FRMD4B: variants seen among roughly 807,000 people sequenced by gnomAD.
The protein encoded by FRMD4B is FERM domain containing 4B, also known as FERM domain-containing protein 4B.
A neutral mutation model predicts 141.5 loss-of-function variants in FRMD4B; 74 were observed. The ratio of observed to expected loss-of-function variants is 0.52; its 90% CI spans 0.43 to 0.63. The LOEUF is 0.63. FRMD4B is among the 30% of genes least tolerant of loss of function. The probability of loss-of-function intolerance (pLI) is 0.00; values close to 1 mark genes in which losing one functional copy is unlikely to be tolerated. For synonymous variants in FRMD4B, 506 were observed against 467.9 expected, an observed-to-expected ratio of 1.08 and a Z score of -1.05; for missense variants, 1,366 against 1,253.4, an observed-to-expected ratio of 1.09 and a Z score of -1.36.
chr3:69,170,055 A>C lies in FRMD4B; in HGVS notation c.*1806T>G, dbSNP rs1344117486. On this transcript the variant is annotated 3_prime_UTR_variant, in exon 23 of 23. Coordinates refer to ENST00000398540, the MANE Select transcript of FRMD4B (RefSeq NM_015123.3). ...TTATTTTTAATGTACTATTAAGAAA[A>C]AACTGCCAATTCAAGTAGAATATGC... 6.6e-6 allele frequency: 1 copy of C among 152,226 alleles called. No individual in the cohort carries two copies. The highest frequency in any genetic ancestry group is 1.5e-5 in the Non-Finnish European group (1 of 68,042). 9.4% of individuals were successfully genotyped at this position (152,226 alleles called of 1,614,324 possible).
chr3:69,230,618 G>A (rs1296508302), intron 7 of FRMD4B, among the ~76,000 whole-genome samples: 4 of 151,818 alleles, frequency 2.6e-5, no homozygotes, highest in Non-Finnish European at 2.9e-5. Flanking sequence ...CATAGTGGTG[G>A]GCACCTGTAA....
At chr3:69,399,180 T>C (rs1358134833) in intron 2 of FRMD4B, among the ~76,000 whole-genome samples, 2 of 152,230 alleles carry the variant, frequency 1.3e-5, no homozygotes, top group Non-Finnish European at 2.9e-5. Context: ...GTTGTATCCA[T>C]TGCCAAGGGG....
chr3:69,297,103 C>T (rs373877846), intron 4 of FRMD4B, among the ~76,000 whole-genome samples: 22 of 152,254 alleles, frequency 1.4e-4, no homozygotes, highest in African/African-American at 4.8e-4. Context: ...TACAGTCTGT[C>T]TTTATGTGTC....
At chr3:69,375,307 A>ATCCATCCATCCATCCT (rs1553732604) in intron 1 of FRMD4B, among the ~76,000 whole-genome samples, 5 of 149,180 alleles carry the variant, frequency 3.4e-5, no homozygotes, top group African/African-American at 1.3e-4. Flanking sequence ...CCATCCATCC[A>ATCCATCCATCCATCCT]TCCTTCCTTC....
At chr3:69,457,030 A>T (rs948887688) in intron 1 of FRMD4B, among the ~76,000 whole-genome samples, 2 of 152,116 alleles carry the variant, frequency 1.3e-5, no homozygotes, top group African/African-American at 2.4e-5. Context: ...ATTCACATAC[A>T]CACACACAAA....
In FRMD4B at chr3:69,462,325, G is replaced by A. The variant is rs77658056; in HGVS notation, c.-128-29564C>T. On this transcript the variant is annotated intron_variant, in intron 1 of 5. Transcript: ENST00000459638. ...TGCAGTTTTACTCCTCATTGGTTGA[G>A]GGTCACTCCTGGAAATGTTCCCTCT... 4.3e-4 allele frequency among the ~76,000 whole-genome samples: 65 copies of A among 152,292 alleles called. 2 individuals are homozygous for A. The East Asian group carries it at 0.012, about 29-fold the overall frequency.
chr3:69,213,279 T>C (rs759723722), intron 11 of FRMD4B, among the ~76,000 whole-genome samples: 45 of 151,990 alleles, frequency 3.0e-4, no homozygotes, highest in Non-Finnish European at 5.7e-4. Flanking sequence ...AAAATGGGGA[T>C]TGCAGAAGAC....
intron 1 of FRMD4B, among the ~76,000 whole-genome samples, chr3:69,343,577 G>GTTTTTGTTTTTTTTTTTT (rs775904583): frequency 1.6e-5 from 2 of 126,504 alleles, no homozygotes; most frequent in Admixed American, 8.1e-5. Context: ...ACAGTTTTTT[G>GTTTTTGTTTTTTTTTTTT]TTTTTTTTTT....
chr3:69,331,880 G>A (rs567616912), intron 1 of FRMD4B, among the ~76,000 whole-genome samples: 3 of 152,266 alleles, frequency 2.0e-5, no homozygotes, highest in African/African-American at 7.2e-5. Context: ...AAGAGGTCAG[G>A]AGTTCAAGAC....
intron 21 of FRMD4B, among the ~76,000 whole-genome samples, chr3:69,178,068 G>A (rs556139219): frequency 6.6e-5 from 10 of 152,304 alleles, no homozygotes; most frequent in Admixed American, 3.9e-4. Context: ...ATCACTGGGC[G>A]TTTGTTGTCC....
upstream of FRMD4B, among the ~76,000 whole-genome samples, chr3:69,388,891 G>GAT (rs1303779237): frequency 6.6e-6 from 1 of 152,084 alleles, no homozygotes; most frequent in Admixed American, 6.5e-5. Context: ...TTGTTATATG[G>GAT]ATATATTGCA....
chr3:69,322,622 G>A (rs1255546241), intron 1 of FRMD4B, among the ~76,000 whole-genome samples: 1 of 143,834 alleles, frequency 7.0e-6, no homozygotes, highest in East Asian at 2.0e-4. Flanking sequence ...TTTGAGACAG[G>A]GTCTTGCTCT....
At chr3:69,184,376 T>G (rs754769087) in intron 19 of FRMD4B, among the ~76,000 whole-genome samples, 16 of 152,246 alleles carry the variant, frequency 1.1e-4, no homozygotes, top group Non-Finnish European at 1.8e-4. Flanking sequence ...TTTTAAAAAG[T>G]TAAGTTGTAC....
At chr3:69,236,394 A>C (rs898331434) in intron 7 of FRMD4B, among the ~76,000 whole-genome samples, 7 of 151,872 alleles carry the variant, frequency 4.6e-5, no homozygotes, top group African/African-American at 1.7e-4. Flanking sequence ...ATGCCCGGGT[A>C]ATTTTTATAT....
At chr3:69,199,741 G>A (rs1485628460) in intron 11 of FRMD4B, among the ~76,000 whole-genome samples, 1 of 152,186 alleles carries the variant, frequency 6.6e-6, no homozygotes, top group East Asian at 1.9e-4. Flanking sequence ...CTCTATTGCG[G>A]CACTCAGTGC....
chr3:69,341,326 C>T (rs887933816), intron 1 of FRMD4B, among the ~76,000 whole-genome samples: 1 of 152,210 alleles, frequency 6.6e-6, no homozygotes, highest in Non-Finnish European at 1.5e-5. Flanking sequence ...AGCCAGATGA[C>T]TGTTCTACTG....
At chr3:69,201,400 C>T (rs2092965960) in intron 11 of FRMD4B, among the ~76,000 whole-genome samples, 2 of 151,822 alleles carry the variant, frequency 1.3e-5, no homozygotes, top group South Asian at 4.2e-4. Flanking sequence ...CAGGTATTGT[C>T]ATATCTTTAG....
intron 1 of FRMD4B, among the ~76,000 whole-genome samples, chr3:69,458,748 A>G (rs1270284988): frequency 5.3e-5 from 8 of 150,902 alleles, no homozygotes; most frequent in Non-Finnish European, 5.9e-5. Context: ...TTGTAATCAG[A>G]GCCAGTGTAT....
chr3:69,483,459 A>T (rs1285430088), intron 1 of FRMD4B, among the ~76,000 whole-genome samples: 1 of 152,362 alleles, frequency 6.6e-6, no homozygotes, highest in East Asian at 1.9e-4. Flanking sequence ...GTTTAAGAAG[A>T]TATTTTGGAG....
Sources: allele counts gnomAD v4.1 joint callset (sites outside exome capture counted in the v4.1 genomes callset), GRCh38; gene constraint gnomAD v4.1.1; transcripts MANE v1.5; gene names NCBI Gene and HGNC (gene_info 2026-07-23, HGNC 2026-07-21).